CTNNA2: variants seen among roughly 807,000 people sequenced by gnomAD.
CTNNA2 encodes catenin alpha-2.
CTNNA2 carries 42 observed loss-of-function variants against 101.0 expected under a neutral mutation model. The ratio of observed to expected loss-of-function variants is 0.42; its 90% confidence interval spans 0.32 to 0.54. The LOEUF (loss-of-function observed/expected upper bound fraction) is 0.54, where lower values mean the gene tolerates loss of function less well. Among genes scored for constraint, CTNNA2 ranks in the 20% least tolerant of loss-of-function variants. CTNNA2 has a pLI of 0.14. For missense variants in CTNNA2, 871 were observed against 1,223.1 expected (o/e 0.71, Z 4.29); for synonymous variants, 450 against 456.4 (o/e 0.99, Z 0.18).
At chr2:79,489,175 C>T (rs1671186133) in intron 4 of CTNNA2, among the ~76,000 whole-genome samples, 1 of 152,052 alleles carries the variant, frequency 6.6e-6, no homozygotes. Flanking sequence ...CTTTTATTCT[C>T]TTTTTCTCAA....
At chr2:80,327,381 G>T (rs1410121792) in intron 7 of CTNNA2, among the ~76,000 whole-genome samples, 1 of 152,178 alleles carries the variant, frequency 6.6e-6, no homozygotes, top group Non-Finnish European at 1.5e-5. Context: ...TACGTGGAGG[G>T]AACTCTTGCT....
chr2:79,189,647 T>C (rs1400598079), intron 1 of CTNNA2, among the ~76,000 whole-genome samples: 1 of 152,162 alleles, frequency 6.6e-6, no homozygotes, highest in Non-Finnish European at 1.5e-5. Context: ...TGTTTGGTAA[T>C]TGGCTTTACA....
chr2:79,988,110 T>G (rs917472608), intron 7 of CTNNA2, among the ~76,000 whole-genome samples: 1 of 152,222 alleles, frequency 6.6e-6, no homozygotes, highest in African/African-American at 2.4e-5. Context: ...AATTGGGTTA[T>G]GGACAGGACA....
intron 7 of CTNNA2, among the ~76,000 whole-genome samples, chr2:80,120,964 G>C (rs560423804): frequency 6.6e-6 from 1 of 152,088 alleles, no homozygotes; most frequent in Non-Finnish European, 1.5e-5. Flanking sequence ...GCTTTCTCTA[G>C]ATTTTTTCCA....
chr2:80,083,760 G>C (rs1271448801), intron 7 of CTNNA2, among the ~76,000 whole-genome samples: 1 of 152,008 alleles, frequency 6.6e-6, no homozygotes, highest in East Asian at 1.9e-4. Flanking sequence ...ATTATACCAG[G>C]CTTCTTTACC....
chr2:79,664,468 A>C (rs1414919923), intron 2 of CTNNA2, among the ~76,000 whole-genome samples: 16 of 152,146 alleles, frequency 1.1e-4, no homozygotes, highest in Admixed American at 1.0e-3. Flanking sequence ...CACTTAGTTC[A>C]TTAGTTAAAT....
At chr2:79,414,608 G>T (rs1678456994) in intron 4 of CTNNA2, among the ~76,000 whole-genome samples, 1 of 152,036 alleles carries the variant, frequency 6.6e-6, no homozygotes, top group African/African-American at 2.4e-5. Flanking sequence ...TTGAGTTGTG[G>T]CAGGCTTTGC....
At chr2:80,359,690 C>G (rs1014505416) in intron 7 of CTNNA2, among the ~76,000 whole-genome samples, 1 of 152,108 alleles carries the variant, frequency 6.6e-6, no homozygotes, top group African/African-American at 2.4e-5. Context: ...GTTTGTGGAA[C>G]CATGAGCCCA....
intron 1 of CTNNA2, among the ~76,000 whole-genome samples, chr2:79,627,940 C>T (rs904313505): frequency 1.3e-5 from 2 of 152,058 alleles, no homozygotes; most frequent in Non-Finnish European, 2.9e-5. Context: ...TGTGCCAGCT[C>T]ATAAGTGTTG....
intron 7 of CTNNA2, among the ~76,000 whole-genome samples, chr2:80,063,198 C>T (rs1392118856): frequency 4.6e-5 from 7 of 152,112 alleles, no homozygotes; most frequent in African/African-American, 1.7e-4. Context: ...CCCTTTTGCT[C>T]CCCTCCTGCC....
At chr2:80,239,822 G>T (rs909642030) in intron 7 of CTNNA2, among the ~76,000 whole-genome samples, 1 of 151,854 alleles carries the variant, frequency 6.6e-6, no homozygotes, top group African/African-American at 2.4e-5. Context: ...TGAGGCAGGA[G>T]AATCGTTTGA....
At chr2:79,769,047 A>G (rs113541225) in intron 3 of CTNNA2, among the ~76,000 whole-genome samples, 18,010 of 151,810 alleles carry the variant, frequency 0.12, 1,184 homozygotes, top group Admixed American at 0.17. Flanking sequence ...AGTAGAGAAG[A>G]GGTTTCATCA....
intron 7 of CTNNA2, among the ~76,000 whole-genome samples, chr2:79,961,997 TGGG>T (rs1689670445): frequency 6.6e-6 from 1 of 152,156 alleles, no homozygotes; most frequent in Non-Finnish European, 1.5e-5. Context: ...ATCACATACC[TGGG>T]GGTGGCTAGA....
intron 1 of CTNNA2, among the ~76,000 whole-genome samples, chr2:79,579,887 T>A (rs1676043524): frequency 1.3e-5 from 2 of 152,172 alleles, no homozygotes; most frequent in Admixed American, 6.5e-5. Flanking sequence ...GTGCCGGGAT[T>A]ACAGGTGTGA....
At chr2:80,525,814 C>T (rs770360679) in intron 9 of CTNNA2, among the ~76,000 whole-genome samples, 3 of 152,116 alleles carry the variant, frequency 2.0e-5, no homozygotes, top group Non-Finnish European at 2.9e-5. Context: ...CTACCTTACG[C>T]GCTGGCAGGA....
At chr2:79,730,137 T>A (rs554721953) in intron 2 of CTNNA2, among the ~76,000 whole-genome samples, 12 of 152,222 alleles carry the variant, frequency 7.9e-5, no homozygotes, top group Admixed American at 5.9e-4. Context: ...AAACCTGAAT[T>A]ATTATTCTTT....
At chr2:79,332,893 C>T (rs941607393) in intron 3 of CTNNA2, among the ~76,000 whole-genome samples, 1 of 152,078 alleles carries the variant, frequency 6.6e-6, no homozygotes, top group Non-Finnish European at 1.5e-5. Flanking sequence ...TTCACTAATG[C>T]TCCAATGGTG....
intron 2 of CTNNA2, among the ~76,000 whole-genome samples, chr2:79,270,120 G>T (rs1040552762): frequency 7.4e-6 from 1 of 134,952 alleles, no homozygotes; most frequent in Non-Finnish European, 1.6e-5. Context: ...ATCCTGTTAG[G>T]CTCAGCCCAG....
At chr2:79,909,401 G>C (rs1685638281) in intron 6 of CTNNA2, among the ~76,000 whole-genome samples, 193 bp from the exon 7 acceptor site, 1 of 152,226 alleles carries the variant, frequency 6.6e-6, no homozygotes, top group African/African-American at 2.4e-5. Flanking sequence ...TCTTTTAGCT[G>C]AAGATTACAT....
Sources: gnomAD v4.1 joint callset for allele counts (sites outside exome capture counted in the v4.1 genomes callset) on GRCh38, gnomAD v4.1.1 for gene constraint, MANE v1.5 for transcripts, NCBI Gene and HGNC (gene_info 2026-07-23, HGNC 2026-07-21) for gene names.